TMEM143: variants seen among roughly 807,000 people sequenced by gnomAD.
TMEM143 encodes transmembrane protein 143.
TMEM143 carries 45 observed loss-of-function variants against 40.3 expected under a neutral mutation model. That is an observed-to-expected ratio of 1.12 (90% confidence interval 0.88 to 1.43). The LOEUF is 1.43. Among genes scored for constraint, TMEM143 ranks in the 40% most tolerant of loss-of-function variants. TMEM143 has a pLI of 0.00. For synonymous variants in TMEM143, 299 were observed against 282.7 expected, an observed-to-expected ratio of 1.06 and a Z score of -0.58; for missense variants, 620 against 613.4, an observed-to-expected ratio of 1.01 and a Z score of -0.11.
chr19:48,343,493 C>T (rs1969558895), intron 4 of TMEM143, 42 bp from the exon 5 acceptor site: 2 of 1,543,270 alleles, frequency 1.3e-6, no homozygotes, highest in East Asian at 2.4e-5. Context: ...TGAACATGGG[C>T]AGGAGTGTTG....
intron 3 of TMEM143, among the ~76,000 whole-genome samples, chr19:48,349,997 ATTTT>A (rs71181679): frequency 9.2e-6 from 1 of 109,016 alleles, no homozygotes. Flanking sequence ...TCTACATTTA[ATTTT>A]TTTTTTTTTT....
chr19:48,353,138 C>T (rs1214052677), intron 3 of TMEM143, among the ~76,000 whole-genome samples: 2 of 151,762 alleles, frequency 1.3e-5, no homozygotes, highest in East Asian at 3.9e-4. Flanking sequence ...GGAGGGCTGA[C>T]TGTGCAGGAC....
chr19:48,356,005 T>A (rs978005814), intron 3 of TMEM143, among the ~76,000 whole-genome samples: 1 of 152,234 alleles, frequency 6.6e-6, no homozygotes, highest in Non-Finnish European at 1.5e-5. Flanking sequence ...TTGCGTGTTG[T>A]CACACATCTT....
Position 48,333,410 on chromosome 19 carries a change from C to T in TMEM143, c.1189G>A (p.Glu397Lys). 6.2e-7 allele frequency: 1 copy of T among 1,601,312 alleles called. No individual in the cohort carries two copies. Among genetic ancestry groups the T allele is most frequent in the Non-Finnish European group, 8.5e-7 (1 of 1,171,984 alleles). Residue 397 changes from glutamate (E) to lysine (K), a missense_variant, in exon 8 of 8, where the codon GAG (glutamate) becomes AAG (lysine). By Grantham distance (56) the Glu-to-Lys change is moderately conservative. Transcript: ENST00000293261. This position sits in a 1 kb window ranked among gnomAD's most constrained non-coding sequence, Gnocchi z 4.1. ...TTGGCTAGGAGCCAGTTCTCCACCT[C>T]CGACCGGAGCCACCTGGAGGTCTCT... ...PEETSRWLRS[E>K]VENWLLAKSG... is the part of the protein sequence containing the mutation.
intron 3 of TMEM143, among the ~76,000 whole-genome samples, chr19:48,347,450 C>T (rs146292005): frequency 0.011 from 1,625 of 152,180 alleles, 27 homozygotes; most frequent in African/African-American, 0.036. Flanking sequence ...CAGTGGCTCA[C>T]GCCTGTAATC....
At position 48,333,889 on chromosome 19, in the gene TMEM143, G is replaced by A. The variant is rs1969276089; in HGVS notation, c.1165+119C>T. On this transcript the variant is annotated intron_variant, in intron 7 of 7. Transcript: ENST00000293261. This position sits in a 1 kb window ranked among gnomAD's most constrained non-coding sequence, Gnocchi z 4.1. ...GAGGTCCTGTCTGCTGAGGGCCGGG[G>A]TCTCTTCGCAAACCCGTCAGGTTCA... The A allele has an allele frequency of 1.1e-5, 12 of 1,110,888 alleles. No homozygotes were observed. In the South Asian group the frequency reaches 2.0e-4, roughly 18 times the overall value. The allele number at this position is 1,110,888 out of a possible 1,614,324, so 68.8% of individuals were successfully genotyped here. A position where few individuals can be genotyped will look rare whatever the true frequency, so the allele number is the denominator to read the frequency against.
At position 48,343,456 on chromosome 19, in the gene TMEM143, C is replaced by CG. The variant is rs776348165; in HGVS notation, c.565-6dup. ...CTGATCCAAATTTACTGTCACCTGC[C>CG]GGGGGGATGAAGGAAGCAGTGGCGG... On this transcript the variant is annotated splice_region_variant and splice_polypyrimidine_tract_variant and intron_variant, in intron 4 of 7. Coordinates refer to ENST00000293261, the MANE Select transcript of TMEM143 (RefSeq NM_018273.4). The CG allele has an allele frequency of 2.5e-6, 4 of 1,571,452 alleles. No individual in the cohort carries two copies. Among genetic ancestry groups the CG allele is most frequent in the Admixed American group, 3.8e-5 (2 of 53,094 alleles).
rs1311333848 is a variant in TMEM143 at position 48,333,646 on chromosome 19, T to G, written c.1166-213A>C. Reference sequence around the variant, plus strand: ...TCTGGGGCTTTCGTCTGGGGACCAGTCAGGGGCTCTTGGGCAGGGAAGGTG... The same window carrying G: ...TCTGGGGCTTTCGTCTGGGGACCAGGCAGGGGCTCTTGGGCAGGGAAGGTG... On this transcript the variant is annotated intron_variant, in intron 7 of 7. Coordinates refer to ENST00000293261, the MANE Select transcript of TMEM143 (RefSeq NM_018273.4). The surrounding 1 kb of genome is among the most constrained non-coding windows in gnomAD (Gnocchi z 4.1). Among the ~76,000 whole-genome samples the G allele has an allele frequency of 6.6e-6, 1 of 151,894 alleles. No homozygotes were observed. The highest frequency in any genetic ancestry group is 1.5e-5 in the Non-Finnish European group (1 of 67,946).
chr19:48,333,019 T>C lies in TMEM143; in HGVS notation c.*200A>G, dbSNP rs1569020526. The C allele has an allele frequency of 2.4e-6, 1 of 409,828 alleles. No homozygotes were observed. The highest frequency in any genetic ancestry group is 4.3e-6 in the Non-Finnish European group (1 of 231,824). The allele number at this position is 409,828 out of a possible 1,614,324, so 25.4% of individuals were successfully genotyped here. On this transcript the variant is annotated 3_prime_UTR_variant, in exon 8 of 8. Coordinates refer to ENST00000293261, the MANE Select transcript of TMEM143 (RefSeq NM_018273.4). The surrounding 1 kb of genome is among the most constrained non-coding windows in gnomAD (Gnocchi z 4.1). ...CTAAATCGCTTTGATTGGCTGTTCA[T>C]CGAAGGGGCGGGGAAGACTTAACAA...
intron 3 of TMEM143, among the ~76,000 whole-genome samples, chr19:48,356,404 G>C (rs1010642816): frequency 1.7e-4 from 26 of 149,320 alleles, no homozygotes; most frequent in African/African-American, 6.4e-4. Context: ...GGGATTACAG[G>C]CGTGAGTCAC....
In TMEM143 at chr19:48,333,029, G is replaced by A. The variant is rs569987551; in HGVS notation, c.*190C>T. 3.6e-5 allele frequency: 15 copies of A among 421,300 alleles called. No individual in the cohort carries two copies. Among genetic ancestry groups the A allele is most frequent in the Non-Finnish European group, 3.8e-5 (9 of 239,358 alleles). 26.1% of individuals were successfully genotyped at this position (421,300 alleles called of 1,614,324 possible). A position where few individuals can be genotyped will look rare whatever the true frequency, so the allele number is the denominator to read the frequency against. On this transcript the variant is annotated 3_prime_UTR_variant, in exon 8 of 8. Transcript: ENST00000293261. The surrounding 1 kb of genome is among the most constrained non-coding windows in gnomAD (Gnocchi z 4.1). ...TTGATTGGCTGTTCATCGAAGGGGC[G>A]GGGAAGACTTAACAACTGCTAGCTG...
At chr19:48,354,918 CT>C (rs1019894166) in intron 3 of TMEM143, among the ~76,000 whole-genome samples, 3 of 152,338 alleles carry the variant, frequency 2.0e-5, no homozygotes, top group Admixed American at 1.3e-4. Flanking sequence ...TACCCTGCCC[CT>C]GCCTCTGTTT....
chr19:48,346,798 G>C (rs561375747), intron 3 of TMEM143, among the ~76,000 whole-genome samples: 1 of 151,990 alleles, frequency 6.6e-6, no homozygotes, highest in Non-Finnish European at 1.5e-5. Context: ...GGCTGGTCTC[G>C]AACTCCTGAC....
intron 6 of TMEM143, among the ~76,000 whole-genome samples, chr19:48,339,938 A>G (rs772821842): frequency 2.0e-5 from 3 of 151,672 alleles, no homozygotes; most frequent in Non-Finnish European, 4.4e-5. Context: ...TACGTTGGCC[A>G]GGCTGGTCTC....
chr19:48,337,330 C>T (rs992560954), intron 6 of TMEM143, among the ~76,000 whole-genome samples: 5 of 152,152 alleles, frequency 3.3e-5, no homozygotes, highest in South Asian at 2.1e-4. Flanking sequence ...GGGCGGATCA[C>T]GAGGTCAGGA....
chr19:48,361,954 G>C (rs367941457), intron 2 of TMEM143, among the ~76,000 whole-genome samples: 55 of 152,272 alleles, frequency 3.6e-4, no homozygotes, highest in African/African-American at 1.3e-3. Context: ...GTGAGAATTT[G>C]ATGAGATTAC....
rs1357178214 is a variant in TMEM143, at chr19:48,333,890, T to G, written c.1165+118A>C. On this transcript the variant is annotated intron_variant, in intron 7 of 7. Coordinates refer to ENST00000293261, the MANE Select transcript of TMEM143 (RefSeq NM_018273.4). This position sits in a 1 kb window ranked among gnomAD's most constrained non-coding sequence, Gnocchi z 4.1. ...AGGTCCTGTCTGCTGAGGGCCGGGG[T>G]CTCTTCGCAAACCCGTCAGGTTCAC... is the stretch of plus-strand genomic sequence containing the variant. The G allele has an allele frequency of 2.1e-5, 23 of 1,118,440 alleles. No homozygotes were observed. The highest frequency in any genetic ancestry group is 2.7e-5 in the Non-Finnish European group (22 of 813,014). 69.3% of individuals were successfully genotyped at this position (1,118,440 alleles called of 1,614,324 possible).
In TMEM143 at chr19:48,363,365, G is replaced by A. The variant is rs2147393916; in HGVS notation, c.190C>T (p.Arg64Cys). Residue 64 changes from arginine (R) to cysteine (C), a missense_variant, in exon 2 of 8, where the codon CGC becomes TGC. Arg to Cys is a radical substitution (Grantham distance 180, BLOSUM62 -3). Coordinates refer to ENST00000293261, the MANE Select transcript of TMEM143 (RefSeq NM_018273.4). ...YRKMWNPREP[R>C]DWAQQYRERF... ...TCGCGGTACTGCTGGGCCCAGTCGC[G>A]GGGCTCCCTGGGGTTCCACATCTTG... 2.5e-6 allele frequency: 4 copies of A among 1,614,206 alleles called. No homozygotes were observed. In the East Asian group the frequency reaches 8.9e-5, roughly 36 times the overall value.
At chr19:48,346,712 G>A (rs1330582409) in intron 3 of TMEM143, among the ~76,000 whole-genome samples, 1 of 151,742 alleles carries the variant, frequency 6.6e-6, no homozygotes, top group East Asian at 1.9e-4. Context: ...CGAGTAGCTG[G>A]GACTACAGGT....
Sources: gnomAD v4.1 joint callset for allele counts (sites outside exome capture counted in the v4.1 genomes callset) on GRCh38, gnomAD v4.1.1 for gene constraint, Gnocchi (gnomAD v3.1) non-coding constraint, MANE v1.5 for transcripts, NCBI Gene and HGNC (gene_info 2026-07-23, HGNC 2026-07-21) for gene names.